The following RHOBTB1 variants were observed in gnomAD, a reference collection of about 807,000 sequenced individuals.
RHOBTB1 encodes rho-related BTB domain-containing protein 1.
In RHOBTB1, 40 loss-of-function variants were observed where a neutral mutation model predicts 71.6. That is an observed-to-expected ratio of 0.56 (90% CI 0.43 to 0.73). RHOBTB1 has a LOEUF of 0.73. Among genes scored for constraint, RHOBTB1 ranks in the 30% least tolerant of loss-of-function variants. The pLI is 0.00. For missense variants in RHOBTB1, 797 were observed against 894.0 expected (o/e 0.89, Z 1.38); for synonymous variants, 319 against 334.9 (o/e 0.95, Z 0.52).
chr10:60,874,889 G>A, intron 9 of RHOBTB1, 65 bp downstream of exon 9: 3 of 1,112,852 alleles, frequency 2.7e-6, no homozygotes, highest in Admixed American at 3.4e-5. Context: ...ACAATGGAAT[G>A]TTTTATCAGC....
At chr10:60,939,559 C>G (rs953468490) in intron 2 of RHOBTB1, among the ~76,000 whole-genome samples, 2 of 152,124 alleles carry the variant, frequency 1.3e-5, no homozygotes, top group African/African-American at 2.4e-5. Context: ...TTTTGGAACT[C>G]ATTTTTCCCT....
At chr10:60,901,901 T>C (rs1388052231) in intron 4 of RHOBTB1, among the ~76,000 whole-genome samples, 1 of 152,252 alleles carries the variant, frequency 6.6e-6, no homozygotes, top group African/African-American at 2.4e-5. Context: ...GGCCCATCAA[T>C]GCTTTTCTGG....
chr10:60,865,648 T>C (rs191566252), downstream of RHOBTB1, among the ~76,000 whole-genome samples: 3 of 152,310 alleles, frequency 2.0e-5, no homozygotes, highest in South Asian at 2.1e-4. Flanking sequence ...CTAAACCTAG[T>C]TTCTCTTCTT....
chr10:60,922,547 C>A (rs1262262113), intron 2 of RHOBTB1, among the ~76,000 whole-genome samples: 2 of 152,172 alleles, frequency 1.3e-5, no homozygotes, highest in Non-Finnish European at 2.9e-5. Flanking sequence ...CTGCCATGTC[C>A]ACGGGGAAAA....
chr10:60,931,168 T>TA (rs896019060), intron 2 of RHOBTB1, among the ~76,000 whole-genome samples: 30 of 152,160 alleles, frequency 2.0e-4, no homozygotes, highest in Admixed American at 5.2e-4. Context: ...CTTATTTTTT[T>TA]AAAAAAATGT....
At chr10:60,925,343 T>G (rs1300301118) in intron 2 of RHOBTB1, among the ~76,000 whole-genome samples, 1 of 152,124 alleles carries the variant, frequency 6.6e-6, no homozygotes, top group Non-Finnish European at 1.5e-5. Context: ...GTTGAGTCAT[T>G]GAAGAAAGTA....
upstream of RHOBTB1, among the ~76,000 whole-genome samples, chr10:60,948,881 A>C (rs1483266813): frequency 1.3e-5 from 2 of 152,194 alleles, no homozygotes; most frequent in African/African-American, 4.8e-5. Flanking sequence ...CTGACTTTTA[A>C]GGAAATACTT....
chr10:60,940,152 C>T (rs1010189657), intron 2 of RHOBTB1, among the ~76,000 whole-genome samples: 8 of 152,090 alleles, frequency 5.3e-5, no homozygotes, highest in African/African-American at 1.7e-4. Context: ...CTTATAATAT[C>T]CCTTTAAATG....
chr10:60,923,516 C>G (rs2083686037), intron 2 of RHOBTB1, among the ~76,000 whole-genome samples: 1 of 152,184 alleles, frequency 6.6e-6, no homozygotes, highest in South Asian at 2.1e-4. Flanking sequence ...GAAGTTCTCT[C>G]TAAATACAGA....
At chr10:60,994,493 T>C (rs2086976827) in intron 1 of RHOBTB1, among the ~76,000 whole-genome samples, 1 of 152,126 alleles carries the variant, frequency 6.6e-6, no homozygotes, top group African/African-American at 2.4e-5. Flanking sequence ...ATGATAGCAC[T>C]TCCAGAAAAT....
intron 1 of RHOBTB1, among the ~76,000 whole-genome samples, chr10:60,992,809 A>G (rs370807287): frequency 1.3e-5 from 2 of 152,204 alleles, no homozygotes; most frequent in African/African-American, 4.8e-5. Context: ...ACAAAGGGGA[A>G]AAAAACACAT....
chr10:61,000,406 A>T (rs889907171), intron 1 of RHOBTB1, among the ~76,000 whole-genome samples: 1 of 152,104 alleles, frequency 6.6e-6, no homozygotes, highest in Non-Finnish European at 1.5e-5. Flanking sequence ...ACCAGGGGAG[A>T]CCTTCTCACC....
At chr10:60,864,818 A>G (rs10994548), downstream of RHOBTB1, among the ~76,000 whole-genome samples, 27,460 of 151,950 alleles carry the variant, frequency 0.18, 2,758 homozygotes, top group African/African-American at 0.27. Flanking sequence ...TTAGCCTCGC[A>G]TAGCTAGGAT....
rs142429110 is a variant in RHOBTB1 at position 60,918,692 on chromosome 10, G to T, written c.-10-7140C>A. Among the ~76,000 whole-genome samples, 433 of 152,094 alleles carry T rather than the reference G, an allele frequency of 2.8e-3. 3 individuals are homozygous for T. Among genetic ancestry groups the T allele is most frequent in the African/African-American group, 9.9e-3 (409 of 41,508 alleles). ...AATCATCCCGCCATTGGAATATGCTGCATCTTATCACTTACACTATGTCTC... is the reference window on the plus strand; with the variant it reads ...AATCATCCCGCCATTGGAATATGCTTCATCTTATCACTTACACTATGTCTC... On this transcript the variant is annotated intron_variant, in intron 2 of 10. Transcript: ENST00000337910.
chr10:60,888,293 T>C lies in RHOBTB1; in HGVS notation c.1375A>G (p.Met459Val). The C allele has an allele frequency of 6.2e-7, 1 of 1,614,184 alleles. No individual in the cohort carries two copies. Residue 459 changes from methionine to valine, a missense_variant, in exon 6 of 11, where the codon ATG (methionine) becomes GTG (valine). Met to Val is a conservative substitution (Grantham distance 21, BLOSUM62 1). Around this residue, in one of 2 missense-constraint regions of RHOBTB1, gnomAD observed 658 missense variants for 681.5 expected, o/e 0.97. Transcript: ENST00000337910. ...VENIMNKEAF[M>V]NQEITKAFHV... The stretch of plus-strand genomic sequence containing the variant: ...AAGGCTTTCGTAATCTCCTGGTTCA[T>C]GAAGGCTTCCTTGTTCATGATGTTT...
chr10:60,869,111 A>T (rs1460813938), downstream of RHOBTB1, among the ~76,000 whole-genome samples: 1 of 152,256 alleles, frequency 6.6e-6, no homozygotes, highest in Non-Finnish European at 1.5e-5. Context: ...AACTGCTGGC[A>T]GAAATTATCC....
chr10:60,872,598 C>A (rs61853327), intron 9 of RHOBTB1, among the ~76,000 whole-genome samples: 2,119 of 137,256 alleles, frequency 0.015, 54 homozygotes, highest in South Asian at 0.11. Context: ...TGCTAAACAA[C>A]CGTGGCCTCT....
chr10:60,937,431 G>A (rs2084655327), intron 2 of RHOBTB1, among the ~76,000 whole-genome samples: 1 of 152,136 alleles, frequency 6.6e-6, no homozygotes, highest in South Asian at 2.1e-4. Context: ...AAAATTGAAA[G>A]CAAAAATTTT....
intron 2 of RHOBTB1, among the ~76,000 whole-genome samples, chr10:60,970,818 A>G (rs1374291436): frequency 1.3e-5 from 2 of 152,030 alleles, no homozygotes; most frequent in Admixed American, 1.3e-4. Flanking sequence ...TTCATTCTGT[A>G]TCATCTAAAC....
Sources: gnomAD v4.1 joint callset for allele counts (sites outside exome capture counted in the v4.1 genomes callset) on GRCh38, gnomAD v4.1.1 for gene constraint, gnomAD v4.1.1 regional missense constraint, MANE v1.5 for transcripts, NCBI Gene and HGNC (gene_info 2026-07-23, HGNC 2026-07-21) for gene names.